The following ZNF236 variants were observed in gnomAD, a reference collection of about 807,000 sequenced individuals.
ZNF236 encodes the protein zinc finger protein 236, also known as regulated by glucose.
In ZNF236, 50 loss-of-function variants were observed where a neutral mutation model predicts 191.2. That is an observed-to-expected ratio of 0.26 (90% confidence interval 0.21 to 0.33). The LOEUF is 0.33. Ranked by LOEUF, ZNF236 falls within the 10% of genes least tolerant of loss-of-function variation. The probability of loss-of-function intolerance (pLI) is 1.00; values close to 1 mark genes in which losing one functional copy is unlikely to be tolerated. For synonymous variants in ZNF236, 907 were observed against 928.8 expected (o/e 0.98, Z 0.43); for missense variants, 1,754 against 2,374.5 (o/e 0.74, Z 5.43).
At chr18:76,938,693 A>G (rs200544741) in intron 26 of ZNF236, among the ~76,000 whole-genome samples, 1 of 152,156 alleles carries the variant, frequency 6.6e-6, no homozygotes, top group South Asian at 2.1e-4. Flanking sequence ...GGCCCCCTGC[A>G]CAGCCACTAC....
chr18:76,943,589 T>C (rs1424068120), intron 26 of ZNF236, among the ~76,000 whole-genome samples: 1 of 152,250 alleles, frequency 6.6e-6, no homozygotes, highest in East Asian at 1.9e-4. Flanking sequence ...TGCAAAACAT[T>C]TAAAACTTTG....
At position 76,881,530 on chromosome 18, in the gene ZNF236, T is replaced by TA. The variant is rs1397241027; in HGVS notation, c.1417+21dup. On this transcript the variant is annotated intron_variant, in intron 9 of 30. Transcript: ENST00000320610. The stretch of plus-strand genomic sequence containing the variant: ...TCTACCTGGTAATTTTCCTAAACTT[T>TA]AAAGTTTGGACATTTGGGATAGCAT... The TA allele has an allele frequency of 3.7e-6, 6 of 1,601,068 alleles. No homozygotes were observed. Among genetic ancestry groups the TA allele is most frequent in the African/African-American group, 1.4e-5 (1 of 73,880 alleles).
chr18:76,952,979 C>T (rs1395113697), intron 27 of ZNF236, among the ~76,000 whole-genome samples: 4 of 152,190 alleles, frequency 2.6e-5, no homozygotes, highest in East Asian at 1.9e-4. Context: ...GCAGCTACTA[C>T]GGCCTGGGGC....
intron 17 of ZNF236, among the ~76,000 whole-genome samples, chr18:76,912,734 C>T (rs573728303): frequency 5.9e-5 from 9 of 152,306 alleles, no homozygotes; most frequent in African/African-American, 2.2e-4. Context: ...GGATACAGCA[C>T]AATTAGAAAG....
rs1031957068 is a variant in ZNF236 at position 76,954,521 on chromosome 18, A to G, written c.4915-1464A>G. ...TTCAGACTTTTTTGACTCACATGGA[A>G]TATATTTTATGCAGTGACCTCAACA... On this transcript the variant is annotated intron_variant, in intron 27 of 30. Coordinates refer to ENST00000320610, the MANE Select transcript of ZNF236 (RefSeq NM_001306089.2). Among the ~76,000 whole-genome samples the G allele has an allele frequency of 3.3e-5, 5 of 152,314 alleles. No individual in the cohort carries two copies. In the South Asian group the frequency reaches 1.0e-3, roughly 32 times the overall value.
intron 1 of ZNF236, among the ~76,000 whole-genome samples, chr18:76,842,202 C>T (rs1975527288): frequency 1.4e-5 from 2 of 147,546 alleles, no homozygotes; most frequent in Admixed American, 1.4e-4. Flanking sequence ...CTGGCCTTCC[C>T]CCCACCCCCC....
intron 1 of ZNF236, among the ~76,000 whole-genome samples, chr18:76,840,620 G>T (rs1189877296): frequency 1.6e-5 from 2 of 125,978 alleles, no homozygotes; most frequent in South Asian, 2.7e-4. Context: ...GGGTAAAGGT[G>T]AATTTTTTTT....
intron 3 of ZNF236, among the ~76,000 whole-genome samples, chr18:76,863,585 C>CTTCTTCTT (rs1213271655): frequency 6.6e-6 from 1 of 151,642 alleles, no homozygotes; most frequent in Non-Finnish European, 1.5e-5. Flanking sequence ...ACAAATTATT[C>CTTCTTCTT]TTCTTCTTTT....
chr18:76,932,994 G>A (rs1967898096), intron 25 of ZNF236, among the ~76,000 whole-genome samples: 1 of 152,162 alleles, frequency 6.6e-6, no homozygotes, highest in African/African-American at 2.4e-5. Context: ...ACGCATGTTG[G>A]AAGTGTCACA....
At chr18:76,834,752 G>A in intron 1 of ZNF236, 1 of 453,822 alleles carries the variant, frequency 2.2e-6, no homozygotes, top group South Asian at 1.8e-5. Context: ...GATGGGCATG[G>A]ATCGAACATT....
At chr18:76,851,115 A>G (rs934155424) in intron 2 of ZNF236, among the ~76,000 whole-genome samples, 1 of 110,294 alleles carries the variant, frequency 9.1e-6, no homozygotes, top group East Asian at 3.1e-4. Flanking sequence ...GGAAGAAAAC[A>G]TTGAGAATAC....
chr18:76,824,261 A>ATCCT (rs1270780440), intron 1 of ZNF236: 1 of 776,498 alleles, frequency 1.3e-6, no homozygotes, highest in Non-Finnish European at 2.4e-6. Context: ...CCAAACCAGG[A>ATCCT]ATTCTTGTCG....
rs1251713603 is a variant in ZNF236, at chr18:76,871,810, A to G, written c.652A>G (p.Ile218Val). The G allele has an allele frequency of 1.2e-6, 2 of 1,614,236 alleles. No homozygotes were observed. The highest frequency in any genetic ancestry group is 3.3e-5 in the Admixed American group (2 of 60,036). ...AAAGCCAAGCCAGTTAACGCGACAC[A>G]TTAGGATACACACAGGTATGAAAAC... ...FQKPSQLTRH[I>V]RIHTGERPFK... is the part of the protein sequence containing the mutation. Residue 218 changes from isoleucine to valine, a missense_variant, in exon 5 of 31, where the codon ATT (isoleucine) becomes GTT (valine). Ile to Val is a conservative substitution (Grantham distance 29). Transcript: ENST00000320610.
At chr18:76,953,116 G>A (rs527624084) in intron 27 of ZNF236, among the ~76,000 whole-genome samples, 67 of 152,286 alleles carry the variant, frequency 4.4e-4, no homozygotes, top group African/African-American at 1.4e-3. Context: ...ATGGAAAAAC[G>A]TCTTTATCCT....
intron 27 of ZNF236, among the ~76,000 whole-genome samples, chr18:76,953,457 A>G (rs1968456129): frequency 6.6e-6 from 1 of 152,198 alleles, no homozygotes; most frequent in South Asian, 2.1e-4. Context: ...TCTAAGTGTC[A>G]CGGCCCCGTT....
intron 11 of ZNF236, 117 bp from the exon 12 acceptor site, chr18:76,904,263 C>T: frequency 1.0e-6 from 1 of 960,938 alleles, no homozygotes; most frequent in Non-Finnish European, 1.4e-6. Flanking sequence ...ATAGTTGCAA[C>T]ATTAGAATCT....
chr18:76,910,479 G>A (rs1967188497), intron 15 of ZNF236, among the ~76,000 whole-genome samples, 181 bp from the exon 16 acceptor site: 1 of 152,174 alleles, frequency 6.6e-6, no homozygotes, highest in Non-Finnish European at 1.5e-5. Context: ...AATGTCTGCT[G>A]AGCACAGCCT....
intron 5 of ZNF236, among the ~76,000 whole-genome samples, chr18:76,872,641 C>T (rs1976611026): frequency 6.6e-6 from 1 of 152,188 alleles, no homozygotes; most frequent in Non-Finnish European, 1.5e-5. Context: ...GTGAGTACAG[C>T]ATTCATAGCT....
intron 3 of ZNF236, among the ~76,000 whole-genome samples, chr18:76,858,376 T>C (rs1478173841): frequency 6.6e-6 from 1 of 152,220 alleles, no homozygotes; most frequent in African/African-American, 2.4e-5. Flanking sequence ...TTCTCCCTTT[T>C]TTGAACAATT....
Sources: gnomAD v4.1 joint callset for allele counts (sites outside exome capture counted in the v4.1 genomes callset) on GRCh38, gnomAD v4.1.1 for gene constraint, MANE v1.5 for transcripts, NCBI Gene and HGNC (gene_info 2026-07-23, HGNC 2026-07-21) for gene names.